Variants in ELAVL4 observed in about 807,000 individuals in gnomAD.
ELAVL4 encodes the protein ELAV-like protein 4.
ELAVL4 carries 1 observed loss-of-function variant against 35.6 expected under a neutral mutation model. The ratio of observed to expected loss-of-function variants is 0.03; its 90% CI spans 0.01 to 0.13. ELAVL4 has a LOEUF of 0.13. Among genes scored for constraint, ELAVL4 ranks in the 10% least tolerant of loss-of-function variants. ELAVL4 has a pLI of 1.00. For synonymous variants in ELAVL4, 156 were observed against 171.0 expected (o/e 0.91, Z 0.69); for missense variants, 267 against 464.9 (o/e 0.57, Z 3.91).
chr1:50,132,811 A>G (rs1671085041), intron 1 of ELAVL4, among the ~76,000 whole-genome samples: 1 of 152,174 alleles, frequency 6.6e-6, no homozygotes, highest in Non-Finnish European at 1.5e-5. Flanking sequence ...TTCAGATTAT[A>G]AAACTGCTGT....
At chr1:50,114,236 G>A (rs1667562586) in intron 1 of ELAVL4, among the ~76,000 whole-genome samples, 1 of 152,058 alleles carries the variant, frequency 6.6e-6, no homozygotes, top group Non-Finnish European at 1.5e-5. Flanking sequence ...ATGTGTATAT[G>A]TATGGGGGGC....
At chr1:50,140,925 T>C (rs536643401) in intron 1 of ELAVL4, among the ~76,000 whole-genome samples, 12 of 152,312 alleles carry the variant, frequency 7.9e-5, no homozygotes, top group African/African-American at 2.9e-4. Flanking sequence ...TTTTAGAAGC[T>C]AGTTGGGACC....
chr1:50,109,682 G>A (rs1020057627), intron 1 of ELAVL4: 50 of 504,596 alleles, frequency 9.9e-5, no homozygotes, highest in Non-Finnish European at 1.1e-4. Flanking sequence ...GTTGTGTTTC[G>A]GGGGACTGCG....
intron 2 of ELAVL4, among the ~76,000 whole-genome samples, chr1:50,165,760 A>ATT (rs1677748855): frequency 1.7e-5 from 1 of 59,566 alleles, no homozygotes; most frequent in African/African-American, 4.8e-5. Flanking sequence ...ATATGTGTAT[A>ATT]TGTGTGTATA....
At chr1:50,178,963 GC>G (rs998120040) in intron 3 of ELAVL4, among the ~76,000 whole-genome samples, 1 of 118,812 alleles carries the variant, frequency 8.4e-6, no homozygotes, top group Non-Finnish European at 1.8e-5. Flanking sequence ...TTTCCATTTT[GC>G]TTTTTTTTTT....
chr1:50,185,938 G>GA (rs1681755304), intron 3 of ELAVL4, among the ~76,000 whole-genome samples: 1 of 152,114 alleles, frequency 6.6e-6, no homozygotes, highest in Non-Finnish European at 1.5e-5. Context: ...CTGGGGCCCT[G>GA]AGCCCAAGAC....
chr1:50,066,254 G>A lies in ELAVL4; in HGVS notation c.18+18072G>A, dbSNP rs1164837081. Among the ~76,000 whole-genome samples the A allele has an allele frequency of 3.3e-5, 5 of 152,304 alleles. No individual in the cohort carries two copies. The South Asian group carries it at 8.3e-4, about 25-fold the overall frequency. On this transcript the variant is annotated intron_variant, in intron 1 of 6. Transcript: ENST00000448907. Reference sequence around the variant, plus strand: ...AACCACTGAGTCTTGCAATGAGACTGTGAGTTAAGGATGTTTTAGCCTTCA... The same window carrying A: ...AACCACTGAGTCTTGCAATGAGACTATGAGTTAAGGATGTTTTAGCCTTCA...
chr1:50,152,323 T>G (rs1674937851), intron 2 of ELAVL4, among the ~76,000 whole-genome samples: 1 of 152,104 alleles, frequency 6.6e-6, no homozygotes, highest in Non-Finnish European at 1.5e-5. Flanking sequence ...AGGCTGGGTA[T>G]TTTAAGAATT....
In ELAVL4 at chr1:50,202,183, C is replaced by T. The variant is rs550586153; in HGVS notation, c.*1005C>T. ...CTAGGGGAAAGGAGTGTTCGTTCTACCCAGGGTACCACAGTTCCCCACAGT... is the reference window on the plus strand; with the variant it reads ...CTAGGGGAAAGGAGTGTTCGTTCTATCCAGGGTACCACAGTTCCCCACAGT... On this transcript the variant is annotated 3_prime_UTR_variant, in exon 7 of 7. Coordinates refer to ENST00000371824, the MANE Select transcript of ELAVL4 (RefSeq NM_001144774.3). 6.6e-6 allele frequency: 1 copy of T among 152,142 alleles called. No individual in the cohort carries two copies. Among genetic ancestry groups the T allele is most frequent in the East Asian group, 1.9e-4 (1 of 5,178 alleles). 9.4% of individuals were successfully genotyped at this position (152,142 alleles called of 1,614,324 possible).
In ELAVL4 at chr1:50,108,925, A is replaced by T; in HGVS notation, c.-265A>T. 1 of 1,120,314 alleles carries T rather than the reference A, an allele frequency of 8.9e-7. No individual in the cohort carries two copies. Among genetic ancestry groups the T allele is most frequent in the Non-Finnish European group, 1.1e-6 (1 of 918,452 alleles). 69.4% of individuals were successfully genotyped at this position (1,120,314 alleles called of 1,614,324 possible). ...ATGTAAAAAGGGGAAGCTTCGAGCC[A>T]ATTTCAGCAAGGCTCTGTTCAGTTG... On this transcript the variant is annotated 5_prime_UTR_variant, in exon 1 of 7. Transcript: ENST00000371824.
intron 1 of ELAVL4, among the ~76,000 whole-genome samples, chr1:50,098,644 A>C (rs1311056728): frequency 6.6e-6 from 1 of 152,228 alleles, no homozygotes; most frequent in East Asian, 1.9e-4. Flanking sequence ...AGGGGTTGCT[A>C]CGGGAAATGA....
upstream of ELAVL4, chr1:50,106,492 G>A (rs1031481428): frequency 3.0e-5 from 27 of 896,254 alleles, 2 homozygotes; most frequent in East Asian, 7.1e-4. Context: ...TTCTGTGGTG[G>A]TGGATTGTGG....
At chr1:50,067,375 C>T (rs563052204) in intron 1 of ELAVL4, among the ~76,000 whole-genome samples, 3 of 152,222 alleles carry the variant, frequency 2.0e-5, no homozygotes, top group African/African-American at 7.2e-5. Flanking sequence ...GTATTTATTC[C>T]ATTTAACAGG....
exon 1 of ELAVL4, chr1:50,048,078 G>T (rs185652166): frequency 2.1e-6 from 3 of 1,401,504 alleles, no homozygotes; most frequent in East Asian, 2.9e-5. Flanking sequence ...GAGCGAGAGC[G>T]GTGAGACTCT....
At chr1:50,152,200 T>C (rs559916863) in intron 2 of ELAVL4, among the ~76,000 whole-genome samples, 2 of 152,140 alleles carry the variant, frequency 1.3e-5, no homozygotes, top group South Asian at 4.1e-4. Context: ...CCCCTTCATC[T>C]TACCTTCCAA....
chr1:50,133,617 A>AAG (rs1421455772), intron 1 of ELAVL4, among the ~76,000 whole-genome samples: 7 of 147,460 alleles, frequency 4.7e-5, no homozygotes, highest in African/African-American at 1.5e-4. Context: ...GAAAGAAAGA[A>AAG]AGAAAGAAAG....
intron 1 of ELAVL4, among the ~76,000 whole-genome samples, chr1:50,096,825 G>A (rs1381638741): frequency 1.3e-5 from 2 of 152,180 alleles, no homozygotes; most frequent in Admixed American, 1.3e-4. Context: ...ACAAAATTCA[G>A]AGAGTATCTT....
intron 2 of ELAVL4, among the ~76,000 whole-genome samples, chr1:50,156,591 C>A (rs1324647439): frequency 6.6e-6 from 1 of 152,156 alleles, no homozygotes; most frequent in Admixed American, 6.5e-5. Context: ...TAAGCACCTG[C>A]TAGATGCCAG....
At chr1:50,100,178 A>G (rs1453459892), upstream of ELAVL4, among the ~76,000 whole-genome samples, 4 of 152,320 alleles carry the variant, frequency 2.6e-5, no homozygotes, top group East Asian at 3.9e-4. Context: ...TGGAAATCTC[A>G]GAGTTGTGAG....
Sources: allele counts gnomAD v4.1 joint callset (sites outside exome capture counted in the v4.1 genomes callset), GRCh38; gene constraint gnomAD v4.1.1; transcripts MANE v1.5; gene names NCBI Gene and HGNC (gene_info 2026-07-23, HGNC 2026-07-21).